SNX14: variants seen among roughly 807,000 people sequenced by gnomAD.
SNX14 encodes the protein sorting nexin-14.
SNX14 carries 93 observed loss-of-function variants against 133.8 expected under a neutral mutation model. That is an observed-to-expected ratio of 0.70 (90% CI 0.59 to 0.83). The LOEUF is 0.83. Ranked by LOEUF, SNX14 falls within the 40% of genes least tolerant of loss-of-function variation. The pLI, the probability that SNX14 is intolerant of heterozygous loss-of-function variation, is 0.00. For synonymous variants in SNX14, 368 were observed against 365.6 expected (o/e 1.01, Z -0.07); for missense variants, 945 against 1,094.9 (o/e 0.86, Z 1.93).
chr6:85,587,455 TATAAA>T (rs1377221054), intron 1 of SNX14, among the ~76,000 whole-genome samples: 1 of 152,192 alleles, frequency 6.6e-6, no homozygotes, highest in Non-Finnish European at 1.5e-5. Context: ...GGAAAATCTA[TATAAA>T]ATAACTTTTA....
chr6:85,562,201 T>G (rs969273004), intron 6 of SNX14, among the ~76,000 whole-genome samples: 4 of 152,214 alleles, frequency 2.6e-5, no homozygotes, highest in African/African-American at 9.6e-5. Flanking sequence ...TGGTATTCCA[T>G]GGAGTATATG....
chr6:85,544,591 G>T (rs1310339808), intron 12 of SNX14, among the ~76,000 whole-genome samples: 1 of 152,076 alleles, frequency 6.6e-6, no homozygotes, highest in African/African-American at 2.4e-5. Context: ...TTGAGCCCAG[G>T]AGTTCAAGAC....
At chr6:85,528,600 C>G (rs977171332) in intron 19 of SNX14, among the ~76,000 whole-genome samples, 1 of 152,170 alleles carries the variant, frequency 6.6e-6, no homozygotes, top group African/African-American at 2.4e-5. Context: ...CTGTTTGACA[C>G]AGATTTTTTG....
intron 9 of SNX14, among the ~76,000 whole-genome samples, chr6:85,547,832 G>A (rs1366792402): frequency 1.3e-5 from 2 of 152,090 alleles, no homozygotes; most frequent in Non-Finnish European, 2.9e-5. Flanking sequence ...TGGATCAAAG[G>A]TAGAAGCATC....
At chr6:85,543,563 G>C (rs768244862) in intron 13 of SNX14, 42 bp downstream of exon 13, 7 of 1,478,194 alleles carry the variant, frequency 4.7e-6, no homozygotes, top group South Asian at 1.3e-5. Flanking sequence ...TGGAAAAACT[G>C]TAAGAGTGCT....
At chr6:85,523,269 C>T (rs780390906) in intron 21 of SNX14, among the ~76,000 whole-genome samples, 8 of 152,178 alleles carry the variant, frequency 5.3e-5, no homozygotes, top group Non-Finnish European at 8.8e-5. Flanking sequence ...TATGGTCAAA[C>T]GTGTACTTTA....
Position 85,517,755 on chromosome 6 carries a change from C to T in SNX14, c.2268+1G>A. On this transcript the variant is annotated splice_donor_variant, in intron 23 of 28. Coordinates refer to ENST00000314673, the MANE Select transcript of SNX14 (RefSeq NM_153816.6). LOFTEE classifies it high-confidence loss of function. ...TAGTTCTTTAATGCAATGTGCAGTA[C>T]CTTCTTGTTGTTTTCTGAAGTAGGG... 1 of 1,592,650 alleles carries T rather than the reference C, an allele frequency of 6.3e-7. No individual in the cohort carries two copies. The highest frequency in any genetic ancestry group is 8.5e-7 in the Non-Finnish European group (1 of 1,174,570).
intron 1 of SNX14, among the ~76,000 whole-genome samples, chr6:85,585,020 C>T (rs1421616611): frequency 6.6e-6 from 1 of 151,850 alleles, no homozygotes; most frequent in African/African-American, 2.4e-5. Context: ...CAGTGATAGA[C>T]TGGAAATACT....
chr6:85,514,756 T>G, intron 23 of SNX14, 127 bp from the exon 24 acceptor site: 4 of 794,550 alleles, frequency 5.0e-6, no homozygotes, highest in Non-Finnish European at 7.4e-6. Context: ...GAATATTAGA[T>G]AGGTTAATAT....
intron 7 of SNX14, among the ~76,000 whole-genome samples, chr6:85,556,018 CT>C: frequency 6.6e-6 from 1 of 151,608 alleles, no homozygotes; most frequent in South Asian, 2.1e-4. Flanking sequence ...CACCAAAAAT[CT>C]AAACTACAGA....
chr6:85,532,798 G>A (rs1363344947), intron 18 of SNX14, among the ~76,000 whole-genome samples: 5 of 152,070 alleles, frequency 3.3e-5, no homozygotes, highest in African/African-American at 9.7e-5. Flanking sequence ...TGTTAAACCC[G>A]GTCTCTATTA....
At chr6:85,543,966 AAATATGTAAATACATAAATACC>A (rs1265852967) in intron 12 of SNX14, among the ~76,000 whole-genome samples, 66 of 152,270 alleles carry the variant, frequency 4.3e-4, no homozygotes, top group Non-Finnish European at 2.1e-4. Flanking sequence ...CATTAATAGA[AAATATGTAAATACATAAATACC>A]AATACAAATT....
chr6:85,588,896 C>A, intron 1 of SNX14: 1 of 455,508 alleles, frequency 2.2e-6, no homozygotes, highest in South Asian at 1.5e-5. Flanking sequence ...CAAAGGTCTT[C>A]ATCTTCATTG....
intron 23 of SNX14, among the ~76,000 whole-genome samples, chr6:85,516,630 A>ACCTTTTTTT (rs1330740524): frequency 6.8e-6 from 1 of 146,148 alleles, no homozygotes; most frequent in African/African-American, 2.7e-5. Context: ...AACTTCCTTA[A>ACCTTTTTTT]TCTTTTTTTT....
At chr6:85,544,382 AT>A (rs1267606851) in intron 12 of SNX14, among the ~76,000 whole-genome samples, 2 of 152,210 alleles carry the variant, frequency 1.3e-5, no homozygotes, top group African/African-American at 4.8e-5. Flanking sequence ...AATACAGGAT[AT>A]AAGATTTGTG....
intron 28 of SNX14, 53 bp downstream of exon 28, chr6:85,507,180 A>G: frequency 7.0e-7 from 1 of 1,432,356 alleles, no homozygotes; most frequent in East Asian, 2.3e-5. Context: ...ATTAAAATAA[A>G]TGTCAGCATA....
chr6:85,512,815 A>G (rs1422624982), intron 26 of SNX14, among the ~76,000 whole-genome samples: 3 of 152,106 alleles, frequency 2.0e-5, no homozygotes, highest in African/African-American at 7.2e-5. Context: ...GATTCTCTCC[A>G]ACCTTGGGGG....
At chr6:85,576,034 A>C (rs935246050) in intron 1 of SNX14, among the ~76,000 whole-genome samples, 1 of 152,004 alleles carries the variant, frequency 6.6e-6, no homozygotes, top group African/African-American at 2.4e-5. Context: ...TATTTTTTTC[A>C]TTTCCCTATA....
At chr6:85,509,630 C>G (rs1772068821) in intron 26 of SNX14, among the ~76,000 whole-genome samples, 1 of 152,174 alleles carries the variant, frequency 6.6e-6, no homozygotes, top group African/African-American at 2.4e-5. Context: ...ACATCCCCAA[C>G]AAGAGTGTAC....
Sources: allele counts gnomAD v4.1 joint callset (sites outside exome capture counted in the v4.1 genomes callset), GRCh38; gene constraint gnomAD v4.1.1; transcripts MANE v1.5; gene names NCBI Gene and HGNC (gene_info 2026-07-23, HGNC 2026-07-21).